TKTL1: variants seen among roughly 807,000 people sequenced by gnomAD.
TKTL1 encodes transketolase like 1, also known as transketolase-like protein 1.
In TKTL1, 1 loss-of-function variant was observed where a neutral mutation model predicts 39.3. The ratio of observed to expected loss-of-function variants is 0.03; its 90% CI spans 0.01 to 0.12. TKTL1 has a LOEUF of 0.12. Ranked by LOEUF, TKTL1 falls within the 10% of genes least tolerant of loss-of-function variation. TKTL1 has a pLI of 1.00. For synonymous variants in TKTL1, 262 were observed against 193.8 expected, an observed-to-expected ratio of 1.35 and a Z score of -2.92; for missense variants, 575 against 509.6, an observed-to-expected ratio of 1.13 and a Z score of -1.24.
intron 1 of TKTL1, among the ~76,000 whole-genome samples, chrX:154,296,539 C>T (rs782007993): frequency 1.8e-5 from 2 of 110,700 alleles, no homozygotes; most frequent in South Asian, 3.8e-4. Flanking sequence ...GGCATGGGGG[C>T]GCACACCTGC....
At chrX:154,303,547 C>T (rs1206184722) in intron 1 of TKTL1, among the ~76,000 whole-genome samples, 4 of 105,123 alleles carry the variant, frequency 3.8e-5, no homozygotes, top group Non-Finnish European at 5.9e-5. Context: ...TCCTTTTTAT[C>T]ATTCCCTCTT....
rs192663483 is a variant in TKTL1 at position 154,315,266 on chromosome X, A to G, written c.958A>G (p.Thr320Ala). The change falls in exon 7 of 13, where the codon ACT (threonine) becomes GCT (alanine). Residue 320 changes from threonine to alanine, a missense_variant. By Grantham distance (58) the Thr-to-Ala change is moderately conservative (BLOSUM62 0). Transcript: ENST00000369915. ...VVLDGDTRYS[T>A]FSEIFNKEYP... ...GCTGGATGGTGACACCAGGTACTCT[A>G]CTTTCTCTGAGATATTCAACAAGGA... 102 of 1,209,110 alleles carry G rather than the reference A, an allele frequency of 8.4e-5. No homozygotes were observed. Among genetic ancestry groups the G allele is most frequent in the Middle Eastern group, 2.3e-4 (1 of 4,333 alleles).
At chrX:154,298,899 G>C (rs1336328110) in intron 1 of TKTL1, among the ~76,000 whole-genome samples, 2 of 109,631 alleles carry the variant, frequency 1.8e-5, no homozygotes, top group African/African-American at 6.6e-5. Context: ...GGCTAGAGAT[G>C]GGGTTTCTCC....
At chrX:154,311,383 G>A in intron 5 of TKTL1, 145 bp downstream of exon 5, 1 of 845,928 alleles carries the variant, frequency 1.2e-6, no homozygotes, top group Non-Finnish European at 1.7e-6. Context: ...GGAGGCTCCT[G>A]CTCTCTTATT....
Position 154,327,574 on chromosome X carries a change from T to C in TKTL1, c.1402-17T>C, listed in dbSNP as rs2067502564. 1.7e-6 allele frequency: 2 copies of C among 1,194,521 alleles called. No homozygotes were observed. Among genetic ancestry groups the C allele is most frequent in the Non-Finnish European group, 2.3e-6 (2 of 881,438 alleles). ...GTGTAGTAACCACGGCATTCTGTTT[T>C]GCTGGCACTATACCAGGTCCTCCGC... On this transcript the variant is annotated splice_polypyrimidine_tract_variant and intron_variant, in intron 10 of 12. Coordinates refer to ENST00000369915, the MANE Select transcript of TKTL1 (RefSeq NM_012253.4).
chrX:154,305,198 C>T, intron 1 of TKTL1, 106 bp from the exon 2 acceptor site: 5 of 1,177,511 alleles, frequency 4.2e-6, no homozygotes, highest in Admixed American at 2.3e-5. Context: ...TGGATTCTTC[C>T]CGGGCTGGGA....
At chrX:154,299,141 T>TTTTC (rs1370264715) in intron 1 of TKTL1, among the ~76,000 whole-genome samples, 7 of 101,159 alleles carry the variant, frequency 6.9e-5, no homozygotes, top group African/African-American at 1.8e-4. Context: ...TTCATTTTCT[T>TTTTC]TTTCTTTCTT....
At chrX:154,314,264 A>C (rs2067380067) in intron 6 of TKTL1, among the ~76,000 whole-genome samples, 1 of 111,981 alleles carries the variant, frequency 8.9e-6, no homozygotes, top group African/African-American at 3.2e-5. Context: ...TATGAAGCGA[A>C]AATGTGACAA....
At chrX:154,299,071 G>T (rs1291994410) in intron 1 of TKTL1, among the ~76,000 whole-genome samples, 1 of 108,120 alleles carries the variant, frequency 9.2e-6, no homozygotes, top group African/African-American at 3.4e-5. Flanking sequence ...CACTGCTTTT[G>T]CTACATCACA....
chrX:154,324,848 C>G (rs189009806), intron 9 of TKTL1, among the ~76,000 whole-genome samples: 1 of 112,096 alleles, frequency 8.9e-6, no homozygotes. Context: ...TTTAGACATA[C>G]AAGTGTTCAT....
intron 1 of TKTL1, among the ~76,000 whole-genome samples, chrX:154,296,949 G>A (rs782627811): frequency 2.7e-5 from 3 of 111,043 alleles, no homozygotes; most frequent in Non-Finnish European, 5.7e-5. Context: ...CTGAGATTGC[G>A]CCACCGCACT....
chrX:154,306,623 CT>C (rs1259824583), intron 2 of TKTL1, among the ~76,000 whole-genome samples: 2 of 111,253 alleles, frequency 1.8e-5, no homozygotes, highest in African/African-American at 6.5e-5. Flanking sequence ...TAAACTTGAA[CT>C]TTTTTTACAT....
rs151008020 is a variant in TKTL1, at chrX:154,296,165, C to T, written c.134+172C>T. Among the ~76,000 whole-genome samples the T allele has an allele frequency of 1.1e-3, 127 of 111,273 alleles. No homozygotes were observed. Among genetic ancestry groups the T allele is most frequent in the Non-Finnish European group, 2.0e-3 (104 of 52,913 alleles). Reference sequence around the variant, plus strand: ...CCCGGTCGAGCACCCTAGATGGCAGCGAGGCACTATTCCCGCCAACCCAAG... The same window carrying T: ...CCCGGTCGAGCACCCTAGATGGCAGTGAGGCACTATTCCCGCCAACCCAAG... On this transcript the variant is annotated intron_variant, in intron 1 of 12. Transcript: ENST00000369915.
intron 1 of TKTL1, among the ~76,000 whole-genome samples, chrX:154,298,769 T>A (rs1235122135): frequency 8.9e-6 from 1 of 112,156 alleles, no homozygotes; most frequent in East Asian, 2.8e-4. Flanking sequence ...TTTGATCTTT[T>A]TTATTTCCTT....
chrX:154,296,061 C>T (rs1435374857), intron 1 of TKTL1, 68 bp downstream of exon 1: 3 of 1,156,330 alleles, frequency 2.6e-6, no homozygotes, highest in Non-Finnish European at 3.5e-6. Flanking sequence ...GCCTGGTGGC[C>T]ATGAGGCCGT....
At chrX:154,324,009 C>T (rs1169634406) in intron 9 of TKTL1, among the ~76,000 whole-genome samples, 1 of 113,062 alleles carries the variant, frequency 8.8e-6, no homozygotes, top group African/African-American at 3.2e-5. Context: ...ACAGGTAACC[C>T]CTGGCACAGT....
rs782392174 is a variant in TKTL1 at position 154,296,395 on chromosome X, G to C, written c.134+402G>C. 3.6e-5 allele frequency among the ~76,000 whole-genome samples: 4 copies of C among 111,442 alleles called. No homozygotes were observed. The East Asian group carries it at 1.1e-3, about 31-fold the overall frequency. On this transcript the variant is annotated intron_variant, in intron 1 of 12. Coordinates refer to ENST00000369915, the MANE Select transcript of TKTL1 (RefSeq NM_012253.4). ...GGGAGCAGGGCTTCCCTGGTAAGCA[G>C]TTGTACTGGATCCCCGAGGGTGAAT...
chrX:154,327,712 G>A (rs782072253), intron 11 of TKTL1, 25 bp downstream of exon 11: 2 of 1,201,368 alleles, frequency 1.7e-6, no homozygotes, highest in African/African-American at 3.5e-5. Flanking sequence ...TATGAGCATT[G>A]AAGTTCAAGC....
At chrX:154,312,841 T>C in intron 6 of TKTL1, 68 bp downstream of exon 6, 1 of 1,010,159 alleles carries the variant, frequency 9.9e-7, no homozygotes, top group Non-Finnish European at 1.3e-6. Flanking sequence ...ATGTTGTTCG[T>C]ATGTACACAG....
Sources: gnomAD v4.1 joint callset for allele counts (sites outside exome capture counted in the v4.1 genomes callset) on GRCh38, gnomAD v4.1.1 for gene constraint, MANE v1.5 for transcripts, NCBI Gene and HGNC (gene_info 2026-07-23, HGNC 2026-07-21) for gene names.